TERT: variants seen among roughly 807,000 people sequenced by gnomAD.
The protein encoded by TERT is telomerase catalytic subunit.
Under a neutral mutation model 104.0 loss-of-function variants are expected in TERT, and 42 were observed. That is an observed-to-expected ratio of 0.40 (90% confidence interval 0.32 to 0.52). The LOEUF is 0.52. TERT is among the 20% of genes least tolerant of loss of function. The pLI, the probability that TERT is intolerant of heterozygous loss-of-function variation, is 0.43. For synonymous variants in TERT, 781 were observed against 725.6 expected, an observed-to-expected ratio of 1.08 and a Z score of -1.23; for missense variants, 1,101 against 1,610.3, an observed-to-expected ratio of 0.68 and a Z score of 5.41.
In TERT at chr5:1,269,152, C is replaced by A. The variant is rs1748841286; in HGVS notation, c.2469-519G>T. On this transcript the variant is annotated intron_variant, in intron 8 of 15. Coordinates refer to ENST00000310581, the MANE Select transcript of TERT (RefSeq NM_198253.3). The surrounding 1 kb of genome is among the most constrained non-coding windows in gnomAD (Gnocchi z 9.0). ...CAGACAAACAGTGAGAGCAGAATAGCCCCGTGGAACCTAAAGGTGCACACA... is the reference window on the plus strand; with the variant it reads ...CAGACAAACAGTGAGAGCAGAATAGACCCGTGGAACCTAAAGGTGCACACA... Among the ~76,000 whole-genome samples, 1 of 152,072 alleles carries A rather than the reference C, an allele frequency of 6.6e-6. No individual in the cohort carries two copies. The highest frequency in any genetic ancestry group is 2.1e-4 in the South Asian group (1 of 4,816).
chr5:1,255,234 C>T lies in TERT; in HGVS notation c.3157+53G>A. 6.2e-7 allele frequency: 1 copy of T among 1,605,392 alleles called. No homozygotes were observed. The highest frequency in any genetic ancestry group is 8.5e-7 in the Non-Finnish European group (1 of 1,176,088). On this transcript the variant is annotated intron_variant, in intron 14 of 15. Coordinates refer to ENST00000310581, the MANE Select transcript of TERT (RefSeq NM_198253.3). This position sits in a 1 kb window ranked among gnomAD's most constrained non-coding sequence, Gnocchi z 6.9. The stretch of plus-strand genomic sequence containing the variant: ...CAGATTCACTCAGTCTCCTGACACA[C>T]TAACACCAGCAGGCAGGCACTGCTG...
At chr5:1,275,115 C>T (rs1257886889) in intron 6 of TERT, among the ~76,000 whole-genome samples, 1 of 152,192 alleles carries the variant, frequency 6.6e-6, no homozygotes, top group East Asian at 1.9e-4. Context: ...CGGTTCACAC[C>T]TGTCATCCCA....
intron 3 of TERT, among the ~76,000 whole-genome samples, chr5:1,280,715 G>T (rs4975538): frequency 1.3e-5 from 2 of 152,178 alleles, no homozygotes; most frequent in African/African-American, 2.4e-5. Flanking sequence ...GGTAGCCCAA[G>T]GCTGGCCCCA....
In TERT at chr5:1,253,246, C is replaced by A. The variant is rs1010918817; in HGVS notation, c.*482G>T. ...CCCCCCAATTTGACCCACAGGGACC[C>A]CCATCCAGGTGCAGGGTCCTCGCCT... is the stretch of plus-strand genomic sequence containing the variant. On this transcript the variant is annotated 3_prime_UTR_variant, in exon 16 of 16. Coordinates refer to ENST00000310581, the MANE Select transcript of TERT (RefSeq NM_198253.3). 1.5e-5 allele frequency: 4 copies of A among 259,934 alleles called. No individual in the cohort carries two copies. Among genetic ancestry groups the A allele is most frequent in the Non-Finnish European group, 2.2e-5 (3 of 134,658 alleles). 16.1% of individuals were successfully genotyped at this position (259,934 alleles called of 1,614,324 possible).
chr5:1,294,412 G>T lies in TERT; in HGVS notation c.474C>A (p.Leu158=), dbSNP rs752933900. The T allele has an allele frequency of 1.9e-6, 3 of 1,589,656 alleles. No homozygotes were observed. The highest frequency in any genetic ancestry group is 2.6e-6 in the Non-Finnish European group (3 of 1,175,870). ...VLVHLLARCA[L]FVLVAPSCAY... The stretch of plus-strand genomic sequence containing the variant: ...CGCAGCTGGGAGCCACCAGCACAAA[G>T]AGCGCGCAGCGTGCCAGCAGGTGAA... Residue 158 remains leucine, a synonymous_variant, in exon 2 of 16, where the codon CTC becomes CTA. Coordinates refer to ENST00000310581, the MANE Select transcript of TERT (RefSeq NM_198253.3).
chr5:1,274,630 G>C lies in TERT; in HGVS notation c.2287-2350C>G, dbSNP rs1749414658. On this transcript the variant is annotated intron_variant, in intron 6 of 15. Coordinates refer to ENST00000310581, the MANE Select transcript of TERT (RefSeq NM_198253.3). The surrounding 1 kb of genome is among the most constrained non-coding windows in gnomAD (Gnocchi z 5.3). ...GTGTGTGCGCCTCTGAGCACCGCATGCCACTGCTGATCTGAGAGGGGCGGG... is the reference window on the plus strand; with the variant it reads ...GTGTGTGCGCCTCTGAGCACCGCATCCCACTGCTGATCTGAGAGGGGCGGG... 6.6e-6 allele frequency among the ~76,000 whole-genome samples: 1 copy of C among 152,168 alleles called. No individual in the cohort carries two copies. Among genetic ancestry groups the C allele is most frequent in the Non-Finnish European group, 1.5e-5 (1 of 68,036 alleles).
chr5:1,254,644 C>G, intron 14 of TERT, 139 bp from the exon 15 acceptor site: 1 of 937,020 alleles, frequency 1.1e-6, no homozygotes, highest in Non-Finnish European at 1.6e-6. Context: ...GCAGGAGTCA[C>G]GACAGAAATG....
intron 4 of TERT, 56 bp from the exon 5 acceptor site, chr5:1,279,526 C>A: frequency 6.6e-7 from 1 of 1,526,268 alleles, no homozygotes. Context: ...AAGTGCCCAC[C>A]CCACCATAGG....
rs1166760246 is a variant in TERT, at chr5:1,292,700, A to G, written c.1573+613T>C. ...GCTAATTTTTGTATTTTTAGTACAG[A>G]TAGGGTTTCACCATGTTGGTCAGGC... is the stretch of plus-strand genomic sequence containing the variant. On this transcript the variant is annotated intron_variant, in intron 2 of 15. Transcript: ENST00000310581. This position sits in a 1 kb window ranked among gnomAD's most constrained non-coding sequence, Gnocchi z 5.5. 2.6e-5 allele frequency among the ~76,000 whole-genome samples: 4 copies of G among 152,164 alleles called. No homozygotes were observed. The highest frequency in any genetic ancestry group is 2.6e-4 in the Admixed American group (4 of 15,284).
chr5:1,269,094 A>G lies in TERT; in HGVS notation c.2469-461T>C, dbSNP rs571038381. ...TCAGCATGACCAACGAGAAGCAGAA[A>G]CTCTCCAAACAAGGATGCCAAGGGT... On this transcript the variant is annotated intron_variant, in intron 8 of 15. Coordinates refer to ENST00000310581, the MANE Select transcript of TERT (RefSeq NM_198253.3). This position sits in a 1 kb window ranked among gnomAD's most constrained non-coding sequence, Gnocchi z 9.0. Among the ~76,000 whole-genome samples the G allele has an allele frequency of 1.4e-4, 21 of 151,322 alleles. No homozygotes were observed. Among genetic ancestry groups the G allele is most frequent in the African/African-American group, 4.9e-4 (20 of 41,212 alleles).
At chr5:1,290,512 A>C (rs773854543) in intron 2 of TERT, among the ~76,000 whole-genome samples, 24 of 16,320 alleles carry the variant, frequency 1.5e-3, no homozygotes, top group East Asian at 1.8e-3. Context: ...ACCCGGGGAC[A>C]GCGCCTCACT....
In TERT at chr5:1,268,664, G is replaced by A; in HGVS notation, c.2469-31C>T. ...GCGGGAAGACACAGGTGAGAGACGG[G>A]CAGGGCATGTGCTGGACATGCGTAC... On this transcript the variant is annotated intron_variant, in intron 8 of 15. Coordinates refer to ENST00000310581, the MANE Select transcript of TERT (RefSeq NM_198253.3). The surrounding 1 kb of genome is among the most constrained non-coding windows in gnomAD (Gnocchi z 5.5). The A allele has an allele frequency of 6.5e-7, 1 of 1,530,074 alleles. No homozygotes were observed. The highest frequency in any genetic ancestry group is 1.1e-5 in the South Asian group (1 of 88,928). 94.8% of individuals were successfully genotyped at this position (1,530,074 alleles called of 1,614,324 possible). A position where few individuals can be genotyped will look rare whatever the true frequency, so the allele number is the denominator to read the frequency against.
At position 1,265,509 on chromosome 5, in the gene TERT, CAGGACTCCTG is replaced by C. The variant is rs1748527600; in HGVS notation, c.2655-927_2655-918del. ...GTCTGCTCTGTCCCCTCAGCAGCCT[CAGGACTCCTG>C]AGCCCTCAGTTGCTTGGGACCTGGG... On this transcript the variant is annotated intron_variant, in intron 10 of 15. Coordinates refer to ENST00000310581, the MANE Select transcript of TERT (RefSeq NM_198253.3). This position sits in a 1 kb window ranked among gnomAD's most constrained non-coding sequence, Gnocchi z 6.9. Among the ~76,000 whole-genome samples the C allele has an allele frequency of 6.6e-6, 1 of 152,136 alleles. No homozygotes were observed. The highest frequency in any genetic ancestry group is 1.5e-5 in the Non-Finnish European group (1 of 68,028).
chr5:1,272,006 C>G (rs903762507), intron 7 of TERT, among the ~76,000 whole-genome samples, 179 bp downstream of exon 7: 1 of 152,268 alleles, frequency 6.6e-6, no homozygotes, highest in Non-Finnish European at 1.5e-5. Flanking sequence ...GCTGTCGCAG[C>G]CTGGCATGGC....
At position 1,287,851 on chromosome 5, in the gene TERT, T is replaced by C. The variant is rs1750591463; in HGVS notation, c.1574-5227A>G. 6.6e-6 allele frequency among the ~76,000 whole-genome samples: 1 copy of C among 151,926 alleles called. No individual in the cohort carries two copies. The highest frequency in any genetic ancestry group is 2.1e-4 in the South Asian group (1 of 4,824). On this transcript the variant is annotated intron_variant, in intron 2 of 15. Coordinates refer to ENST00000310581, the MANE Select transcript of TERT (RefSeq NM_198253.3). This position sits in a 1 kb window ranked among gnomAD's most constrained non-coding sequence, Gnocchi z 4.3. ...ATAAGCTGGATATAGTGAACATGCA[T>C]GCCCACTATTGACAGGATGTCAAAT...
chr5:1,264,686 G>A, intron 10 of TERT, 94 bp from the exon 11 acceptor site: 1 of 1,470,734 alleles, frequency 6.8e-7, no homozygotes, highest in South Asian at 1.1e-5. Context: ...AAACCCCAGA[G>A]AAGTGGTGAT....
chr5:1,260,080 T>C (rs2736118), intron 12 of TERT, among the ~76,000 whole-genome samples: 49,617 of 152,144 alleles, frequency 0.33, 9,889 homozygotes, highest in African/African-American at 0.56. Context: ...CCCCGTCTCA[T>C]CCTGTAAGGA....
In TERT at chr5:1,268,741, G is replaced by T; in HGVS notation, c.2469-108C>A. The T allele has an allele frequency of 1.4e-6, 1 of 720,652 alleles. No individual in the cohort carries two copies. The highest frequency in any genetic ancestry group is 2.5e-6 in the Non-Finnish European group (1 of 405,102). 44.6% of individuals were successfully genotyped at this position (720,652 alleles called of 1,614,324 possible). ...AGAACCTCATACACACAAACGACACGTCTACCATTCAGCCGGCAAACACCT... is the reference window on the plus strand; with the variant it reads ...AGAACCTCATACACACAAACGACACTTCTACCATTCAGCCGGCAAACACCT... On this transcript the variant is annotated intron_variant, in intron 8 of 15. Coordinates refer to ENST00000310581, the MANE Select transcript of TERT (RefSeq NM_198253.3). This position sits in a 1 kb window ranked among gnomAD's most constrained non-coding sequence, Gnocchi z 5.5.
chr5:1,277,389 C>G (rs1749671834), intron 6 of TERT, among the ~76,000 whole-genome samples: 1 of 152,232 alleles, frequency 6.6e-6, no homozygotes. Flanking sequence ...GCCTCCACAG[C>G]AGCGGGAAGG....
Sources: gnomAD v4.1 joint callset for allele counts (sites outside exome capture counted in the v4.1 genomes callset) on GRCh38, gnomAD v4.1.1 for gene constraint, Gnocchi (gnomAD v3.1) non-coding constraint, MANE v1.5 for transcripts, NCBI Gene and HGNC (gene_info 2026-07-23, HGNC 2026-07-21) for gene names.